NBAS: variants seen among roughly 807,000 people sequenced by gnomAD.
NBAS encodes NBAS subunit of NRZ tethering complex.
In NBAS, 219 loss-of-function variants were observed where a neutral mutation model predicts 302.5. That is an observed-to-expected ratio of 0.72 (90% CI 0.65 to 0.81). NBAS has a LOEUF of 0.81. NBAS is among the 30% of genes least tolerant of loss of function. The pLI is 0.00. For missense variants in NBAS, 2,932 were observed against 2,841.6 expected, an observed-to-expected ratio of 1.03 and a Z score of -0.72; for synonymous variants, 1,118 against 1,021.6, an observed-to-expected ratio of 1.09 and a Z score of -1.80.
chr2:15,154,169 T>C, the NBAS span, among the ~76,000 whole-genome samples: 1 of 152,240 alleles, frequency 6.6e-6, no homozygotes, highest in East Asian at 1.9e-4. Context: ...TTTATTTTGG[T>C]TTATTCCAAG....
At chr2:15,366,359 T>C (rs533234122) in intron 32 of NBAS, among the ~76,000 whole-genome samples, 2 of 152,306 alleles carry the variant, frequency 1.3e-5, no homozygotes, top group South Asian at 4.1e-4. Context: ...TCAATTTTTC[T>C]AGAAAATACT....
rs138724633 is a variant in NBAS, at chr2:15,377,132, C to A, written c.3591-2412G>T. ...TAAATCATATATAATGAAAACTTGG[C>A]AATGTAGTAAAATATTTGAGATAGG... On this transcript the variant is annotated intron_variant, in intron 30 of 51. Transcript: ENST00000281513. 3.1e-3 allele frequency among the ~76,000 whole-genome samples: 471 copies of A among 152,140 alleles called. 8 individuals are homozygous for A. Among genetic ancestry groups the A allele is most frequent in the Non-Finnish European group, 6.2e-4 (42 of 67,978 alleles).
chr2:15,378,802 G>A (rs954347003), intron 30 of NBAS, among the ~76,000 whole-genome samples: 13 of 152,282 alleles, frequency 8.5e-5, no homozygotes, highest in East Asian at 5.8e-4. Context: ...AAGTTGAACC[G>A]TCTTAAGTTG....
chr2:15,110,198 A>G, the NBAS span, among the ~76,000 whole-genome samples: 1 of 152,130 alleles, frequency 6.6e-6, no homozygotes, highest in African/African-American at 2.4e-5. Flanking sequence ...TGCAGGCACC[A>G]GGTCCACTGA....
At chr2:15,428,683 C>A (rs1281380442) in intron 21 of NBAS, among the ~76,000 whole-genome samples, 2 of 152,032 alleles carry the variant, frequency 1.3e-5, no homozygotes, top group Non-Finnish European at 2.9e-5. Context: ...GTTGAGACTG[C>A]AGTAAGCCAT....
At chr2:14,936,892 T>C in the NBAS span, among the ~76,000 whole-genome samples, 1 of 151,398 alleles carries the variant, frequency 6.6e-6, no homozygotes, top group African/African-American at 2.4e-5. Flanking sequence ...GGAAGGAGGG[T>C]TCTGCTGGGG....
intron 44 of NBAS, among the ~76,000 whole-genome samples, chr2:15,256,336 G>A (rs1668592147): frequency 6.6e-6 from 1 of 151,990 alleles, no homozygotes; most frequent in African/African-American, 2.4e-5. Flanking sequence ...AAAAAAGGTT[G>A]AGTTCTCGAC....
the NBAS span, among the ~76,000 whole-genome samples, chr2:15,088,765 A>G: frequency 1.3e-5 from 2 of 152,366 alleles, no homozygotes; most frequent in Non-Finnish European, 2.9e-5. Flanking sequence ...AAGGGACATG[A>G]GCAGGACCAT....
At chr2:15,317,919 G>C (rs1056059014) in intron 38 of NBAS, among the ~76,000 whole-genome samples, 2 of 152,246 alleles carry the variant, frequency 1.3e-5, no homozygotes, top group East Asian at 3.9e-4. Flanking sequence ...GATTCCTCGA[G>C]AAGAGCAACC....
At chr2:15,534,359 G>A (rs528690729) in intron 9 of NBAS, among the ~76,000 whole-genome samples, 184 bp downstream of exon 9, 25 of 152,322 alleles carry the variant, frequency 1.6e-4, no homozygotes, top group African/African-American at 6.0e-4. Context: ...GCTCAGAAGA[G>A]CTCAGTGAGC....
chr2:14,849,157 C>T, the NBAS span, among the ~76,000 whole-genome samples: 1 of 139,758 alleles, frequency 7.2e-6, no homozygotes, highest in Admixed American at 7.2e-5. Flanking sequence ...AAACCAAAGG[C>T]AAAGAAGTTG....
the NBAS span, among the ~76,000 whole-genome samples, chr2:14,870,488 G>T: frequency 6.6e-6 from 1 of 152,118 alleles, no homozygotes; most frequent in Non-Finnish European, 1.5e-5. Context: ...CTAACATAGG[G>T]AATTGAGCAG....
chr2:15,024,347 T>TA, the NBAS span, among the ~76,000 whole-genome samples: 1 of 152,184 alleles, frequency 6.6e-6, no homozygotes, highest in African/African-American at 2.4e-5. Context: ...ATGGTATATA[T>TA]GTACCACATT....
the NBAS span, among the ~76,000 whole-genome samples, chr2:14,805,596 C>T: frequency 6.6e-6 from 1 of 152,130 alleles, no homozygotes; most frequent in Non-Finnish European, 1.5e-5. Flanking sequence ...ATCCTGGAGA[C>T]AAGAAGAGGA....
chr2:15,400,930 A>T (rs1030135295), intron 26 of NBAS, among the ~76,000 whole-genome samples: 4 of 152,186 alleles, frequency 2.6e-5, no homozygotes, highest in Non-Finnish European at 5.9e-5. Context: ...TTCCCGTATT[A>T]ACTGCAAATT....
chr2:14,836,850 C>A, the NBAS span, among the ~76,000 whole-genome samples: 1 of 151,722 alleles, frequency 6.6e-6, no homozygotes, highest in East Asian at 1.9e-4. Flanking sequence ...CTTCAGTATT[C>A]ATTAATTTCT....
chr2:15,219,321 C>T (rs71447219), intron 47 of NBAS, among the ~76,000 whole-genome samples: 28,153 of 141,830 alleles, frequency 0.2, 3,319 homozygotes, highest in East Asian at 0.45. Context: ...TTTTTCTTTT[C>T]TTTTTTTTTA....
intron 25 of NBAS, among the ~76,000 whole-genome samples, chr2:15,406,647 T>A (rs1022586164): frequency 3.3e-5 from 5 of 152,010 alleles, no homozygotes; most frequent in African/African-American, 1.2e-4. Context: ...TATTAATATA[T>A]GCCACAGAGA....
At position 15,496,097 on chromosome 2, in the gene NBAS, TACACACAC is replaced by T. The variant is rs61047968; in HGVS notation, c.955-7083_955-7076del. On this transcript the variant is annotated intron_variant, in intron 11 of 51. Transcript: ENST00000281513. ...ATACACACACACATACATATACAGA[TACACACAC>T]ACACACACACACACACACACACAAT... Among the ~76,000 whole-genome samples the T allele has an allele frequency of 9.5e-3, 1,375 of 144,052 alleles. 25 individuals carry two copies. Among genetic ancestry groups the T allele is most frequent in the African/African-American group, 0.033 (1,289 of 39,352 alleles). 94.5% of individuals were successfully genotyped at this position (144,052 alleles called of 152,430 possible). A position where few individuals can be genotyped will look rare whatever the true frequency, so the allele number is the denominator to read the frequency against.
Sources: gnomAD v4.1 joint callset for allele counts (sites outside exome capture counted in the v4.1 genomes callset) on GRCh38, gnomAD v4.1.1 for gene constraint, MANE v1.5 for transcripts, NCBI Gene and HGNC (gene_info 2026-07-23, HGNC 2026-07-21) for gene names.